Variants in TNK1 observed in about 807,000 individuals in gnomAD.
TNK1 encodes the protein non-receptor tyrosine-protein kinase TNK1.
A neutral mutation model predicts 65.2 loss-of-function variants in TNK1; 53 were observed. That is an observed-to-expected ratio of 0.81 (90% CI 0.65 to 1.02). The LOEUF (loss-of-function observed/expected upper bound fraction) is 1.02, where lower values mean the gene tolerates loss of function less well. Ranked by LOEUF, TNK1 falls within the 50% of genes least tolerant of loss-of-function variation. The pLI is 0.00. For missense variants in TNK1, 837 were observed against 878.4 expected, an observed-to-expected ratio of 0.95 and a Z score of 0.60; for synonymous variants, 353 against 364.6, an observed-to-expected ratio of 0.97 and a Z score of 0.36.
At chr17:7,386,840 T>C in intron 8 of TNK1, 150 bp from the exon 9 acceptor site, 2 of 1,211,300 alleles carry the variant, frequency 1.7e-6, no homozygotes, top group East Asian at 2.6e-5. Context: ...TGCTGGCCCA[T>C]AGAGCCTTAT....
Position 7,388,954 on chromosome 17 carries a change from C to G in TNK1, c.1873-17C>G. 1.3e-6 allele frequency: 2 copies of G among 1,554,362 alleles called. No individual in the cohort carries two copies. The highest frequency in any genetic ancestry group is 2.7e-5 in the African/African-American group (2 of 73,344). ...CCGCCTGGCAGTCAGCTGCAACCCA[C>G]CCTCCTGCTTCCACAGGTAGATCAG... On this transcript the variant is annotated splice_polypyrimidine_tract_variant and intron_variant, in intron 12 of 12. Coordinates refer to ENST00000688331, the MANE Select transcript of TNK1 (RefSeq NM_003985.6). The surrounding 1 kb of genome is among the most constrained non-coding windows in gnomAD (Gnocchi z 4.5).
At position 7,382,586 on chromosome 17, in the gene TNK1, G is replaced by T. The variant is rs560024731; in HGVS notation, c.-91-250G>T. Among the ~76,000 whole-genome samples, 1 of 152,186 alleles carries T rather than the reference G, an allele frequency of 6.6e-6. No individual in the cohort carries two copies. Among genetic ancestry groups the T allele is most frequent in the South Asian group, 2.1e-4 (1 of 4,824 alleles). ...AAAAGGGCAGTGTTTCTGGGTGTCC[G>T]GGTGTGTGATGTGCCGTGATATTTC... is the stretch of plus-strand genomic sequence containing the variant. On this transcript the variant is annotated intron_variant, in intron 1 of 12. Transcript: ENST00000688331. This position sits in a 1 kb window ranked among gnomAD's most constrained non-coding sequence, Gnocchi z 4.1.
chr17:7,388,535 C>A lies in TNK1; in HGVS notation c.1607C>A (p.Pro536His), dbSNP rs1429554628. 6 of 1,613,980 alleles carry A rather than the reference C, an allele frequency of 3.7e-6. No individual in the cohort carries two copies. The highest frequency in any genetic ancestry group is 5.1e-6 in the Non-Finnish European group (6 of 1,179,896). ...QGPPGLPPRP[P>H]LSSSSPQPSQ... ...CCTCCAGGCCTGCCTCCACGCCCAC[C>A]TTTATCCTCTAGCTCTCCTCAGCCC... The change falls in exon 11 of 13, where the codon CCT becomes CAT. Residue 536 changes from proline (P) to histidine (H), a missense_variant. Transcript: ENST00000688331. The surrounding 1 kb of genome is among the most constrained non-coding windows in gnomAD (Gnocchi z 4.5).
chr17:7,381,011 C>G (rs934956004), upstream of TNK1: 8 of 152,248 alleles, frequency 5.3e-5, no homozygotes, highest in African/African-American at 1.9e-4. Context: ...CCCGGGCCAG[C>G]GGCCAGGTCC....
chr17:7,384,942 G>C (rs1235811567), intron 7 of TNK1, among the ~76,000 whole-genome samples, 188 bp downstream of exon 7: 3 of 152,230 alleles, frequency 2.0e-5, no homozygotes, highest in African/African-American at 7.2e-5. Context: ...GGGCTACACA[G>C]ATGCAGACTG....
chr17:7,386,341 A>T (rs1905176367), intron 7 of TNK1, among the ~76,000 whole-genome samples: 3 of 152,252 alleles, frequency 2.0e-5, no homozygotes, highest in Non-Finnish European at 4.4e-5. Flanking sequence ...CCCCCCAGGT[A>T]GAGCCAGGGC....
At position 7,384,734 on chromosome 17, in the gene TNK1, C is replaced by T; in HGVS notation, c.1117C>T (p.Leu373=). The part of the protein sequence containing the change: ...HPADRPSFSH[L]EGLLQEAGPS... ...TGCCGACCGGCCTAGCTTTTCCCAC[C>T]TGGAGGGGCTGCTGCAAGAGGTGGG... The change falls in exon 7 of 13, where the codon CTG becomes TTG. Residue 373 remains leucine (L), a synonymous_variant. Coordinates refer to ENST00000688331, the MANE Select transcript of TNK1 (RefSeq NM_003985.6). 1 of 1,580,640 alleles carries T rather than the reference C, an allele frequency of 6.3e-7. No individual in the cohort carries two copies. Among genetic ancestry groups the T allele is most frequent in the Non-Finnish European group, 8.6e-7 (1 of 1,168,648 alleles).
At chr17:7,386,469 A>T in intron 7 of TNK1, 92 bp from the exon 8 acceptor site, 1 of 996,364 alleles carries the variant, frequency 1.0e-6, no homozygotes, top group Admixed American at 2.0e-5. Context: ...CACAGACTAC[A>T]TACAGAGCGG....
chr17:7,388,728 G>C lies in TNK1; in HGVS notation c.1776+24G>C. 6.2e-7 allele frequency: 1 copy of C among 1,608,642 alleles called. No individual in the cohort carries two copies. Among genetic ancestry groups the C allele is most frequent in the Non-Finnish European group, 8.5e-7 (1 of 1,176,934 alleles). On this transcript the variant is annotated intron_variant, in intron 11 of 12. Coordinates refer to ENST00000688331, the MANE Select transcript of TNK1 (RefSeq NM_003985.6). This position sits in a 1 kb window ranked among gnomAD's most constrained non-coding sequence, Gnocchi z 4.5. The stretch of plus-strand genomic sequence containing the variant: ...AGGTGAGGTCTCACTGAAATGGCCT[G>C]GTGTCCAGAAGGGGCTACAGGCAGG...
Position 7,382,976 on chromosome 17 carries a change from T to A in TNK1, c.50T>A (p.Ile17Asn). Residue 17 changes from isoleucine to asparagine, a missense_variant, in exon 2 of 13, where the codon ATC becomes AAC. By Grantham distance (149) the Ile-to-Asn change is moderately radical. Coordinates refer to ENST00000688331, the MANE Select transcript of TNK1 (RefSeq NM_003985.6). The surrounding 1 kb of genome is among the most constrained non-coding windows in gnomAD (Gnocchi z 4.1). ...SLWLLKLLRD[I>N]QLAQFYWPIL... The stretch of plus-strand genomic sequence containing the variant: ...TGGCTACTGAAGCTGCTCCGGGACA[T>A]CCAGTTGGCCCAGTTTTACTGGCCC... The A allele has an allele frequency of 1.9e-6, 3 of 1,613,996 alleles. No homozygotes were observed. In the South Asian group the frequency reaches 3.3e-5, roughly 18 times the overall value.
Position 7,387,124 on chromosome 17 carries a change from G to T in TNK1, c.1367G>T (p.Arg456Leu), listed in dbSNP as rs117725656. 3 of 1,596,734 alleles carry T rather than the reference G, an allele frequency of 1.9e-6. No homozygotes were observed. The South Asian group carries it at 3.4e-5, about 18-fold the overall frequency. ...CCAGTCCACAGAGGCACCCCTGCCC[G>T]GGGAGATCAACACCCAGGAAGCATA... ...TRPVHRGTPA[R>L]GDQHPGSIDG... The change falls in exon 9 of 13, where the codon CGG becomes CTG. Residue 456 changes from arginine (R) to leucine (L), a missense_variant. Transcript: ENST00000688331.
chr17:7,387,802 C>G (rs1208965108), intron 10 of TNK1, among the ~76,000 whole-genome samples: 1 of 152,106 alleles, frequency 6.6e-6, no homozygotes, highest in Non-Finnish European at 1.5e-5. Context: ...TGAGGTTTCA[C>G]CCTGTTGCCC....
chr17:7,381,937 G>A (rs890589468), intron 1 of TNK1, among the ~76,000 whole-genome samples: 1 of 152,248 alleles, frequency 6.6e-6, no homozygotes, highest in Non-Finnish European at 1.5e-5. Flanking sequence ...GAGCCTGGGC[G>A]TTTTGTGGCC....
At position 7,384,711 on chromosome 17, in the gene TNK1, C is replaced by T; in HGVS notation, c.1094C>T (p.Ala365Val). ...LALRCWAPHP[A>V]DRPSFSHLEG... is the part of the protein sequence containing the mutation. The stretch of plus-strand genomic sequence containing the variant: ...TTGCGCTGCTGGGCCCCCCACCCTG[C>T]CGACCGGCCTAGCTTTTCCCACCTG... The change falls in exon 7 of 13, where the codon GCC becomes GTC. Residue 365 changes from alanine to valine, a missense_variant. By Grantham distance (64) the Ala-to-Val change is moderately conservative. Transcript: ENST00000688331. 1 of 1,588,662 alleles carries T rather than the reference C, an allele frequency of 6.3e-7. No homozygotes were observed.
Position 7,387,344 on chromosome 17 carries a change from G to C in TNK1, c.1398-34G>C, listed in dbSNP as rs186957020. ...ATTGATCTGTGGGGTGGGGAGAGTT[G>C]GTGTGGAGGATGAACTGGATCCCTC... is the stretch of plus-strand genomic sequence containing the variant. On this transcript the variant is annotated intron_variant, in intron 9 of 12. Transcript: ENST00000688331. 21 of 1,580,256 alleles carry C rather than the reference G, an allele frequency of 1.3e-5. No individual in the cohort carries two copies. In the East Asian group the frequency reaches 4.6e-4, roughly 35 times the overall value.
intron 1 of TNK1, among the ~76,000 whole-genome samples, chr17:7,381,578 T>C (rs1232778760): frequency 6.6e-6 from 1 of 152,206 alleles, no homozygotes; most frequent in Non-Finnish European, 1.5e-5. Context: ...TGCCTGGGGC[T>C]GAGCTCAGGT....
chr17:7,383,595 G>T lies in TNK1; in HGVS notation c.405G>T (p.Trp135Cys). The T allele has an allele frequency of 1.2e-6, 2 of 1,605,066 alleles. No homozygotes were observed. The highest frequency in any genetic ancestry group is 1.7e-6 in the Non-Finnish European group (2 of 1,174,622). ...TCGGTGTGGTGCACCGAGGGCTGTG[G>T]ACGCTGCCCAGTGGCAAGAGTGTGA... Reference protein sequence around the residue: ...GCFGVVHRGLWTLPSGKSVPV... With the variant: ...GCFGVVHRGLCTLPSGKSVPV... The change falls in exon 4 of 13, where the codon TGG becomes TGT. Residue 135 changes from tryptophan to cysteine, a missense_variant. Trp to Cys is a radical substitution (Grantham distance 215). Coordinates refer to ENST00000688331, the MANE Select transcript of TNK1 (RefSeq NM_003985.6).
rs1597686889 is a variant in TNK1 at position 7,388,683 on chromosome 17, G to C, written c.1755G>C (p.Glu585Asp). ...ALSGGLLSDP[E>D]LQRKIMEVEL... Reference sequence around the variant, plus strand: ...CTGGAGGCCTCTTGTCCGATCCTGAGTTGCAGAGGAAGATTATGGAGGTGA... The same window carrying C: ...CTGGAGGCCTCTTGTCCGATCCTGACTTGCAGAGGAAGATTATGGAGGTGA... The change falls in exon 11 of 13, where the codon GAG (glutamate) becomes GAC (aspartate). Residue 585 changes from glutamate to aspartate, a missense_variant. Coordinates refer to ENST00000688331, the MANE Select transcript of TNK1 (RefSeq NM_003985.6). The surrounding 1 kb of genome is among the most constrained non-coding windows in gnomAD (Gnocchi z 4.5). 1.2e-6 allele frequency: 2 copies of C among 1,613,540 alleles called. No homozygotes were observed. Among genetic ancestry groups the C allele is most frequent in the African/African-American group, 1.3e-5 (1 of 75,002 alleles).
chr17:7,385,663 C>T (rs1252054538), intron 7 of TNK1, among the ~76,000 whole-genome samples: 4 of 152,048 alleles, frequency 2.6e-5, no homozygotes, highest in Non-Finnish European at 4.4e-5. Flanking sequence ...CTCCTGGGTT[C>T]AAGCAATTCT....
Sources: allele counts gnomAD v4.1 joint callset (sites outside exome capture counted in the v4.1 genomes callset), GRCh38; gene constraint gnomAD v4.1.1; non-coding constraint Gnocchi (gnomAD v3.1); transcripts MANE v1.5; gene names NCBI Gene and HGNC (gene_info 2026-07-23, HGNC 2026-07-21).